CNTNAP2: variants seen among roughly 807,000 people sequenced by gnomAD.
The protein encoded by CNTNAP2 is contactin associated protein 2, also known as contactin-associated protein-like 2.
Under a neutral mutation model 155.2 loss-of-function variants are expected in CNTNAP2, and 98 were observed. That is an observed-to-expected ratio of 0.63 (90% CI 0.54 to 0.75). The LOEUF is 0.75. Ranked by LOEUF, CNTNAP2 falls within the 30% of genes least tolerant of loss-of-function variation. The probability of loss-of-function intolerance (pLI) is 0.00; values close to 1 mark genes in which losing one functional copy is unlikely to be tolerated. For synonymous variants in CNTNAP2, 651 were observed against 631.2 expected, an observed-to-expected ratio of 1.03 and a Z score of -0.47; for missense variants, 1,727 against 1,688.1, an observed-to-expected ratio of 1.02 and a Z score of -0.40.
At chr7:147,283,369 G>C (rs1805094066) in intron 8 of CNTNAP2, among the ~76,000 whole-genome samples, 2 of 151,566 alleles carry the variant, frequency 1.3e-5, no homozygotes, top group African/African-American at 4.8e-5. Flanking sequence ...TCTATATCAA[G>C]AAATAGAATG....
At chr7:146,280,641 G>C (rs563759878) in intron 1 of CNTNAP2, among the ~76,000 whole-genome samples, 1 of 152,222 alleles carries the variant, frequency 6.6e-6, no homozygotes, top group Non-Finnish European at 1.5e-5. Flanking sequence ...CATAAGTAGG[G>C]TCATCGGCTG....
intron 1 of CNTNAP2, among the ~76,000 whole-genome samples, chr7:146,662,462 A>G (rs986324213): frequency 2.9e-4 from 44 of 151,862 alleles, no homozygotes; most frequent in African/African-American, 1.0e-3. Flanking sequence ...TGTTTTGTTT[A>G]TTGGTTTGTT....
rs562325278 is a variant in CNTNAP2, at chr7:147,618,330, A to G, written c.1898-20776A>G. On this transcript the variant is annotated intron_variant, in intron 12 of 23. Transcript: ENST00000361727. ...ATTGTATGTTGGCCACACCCAGTCT[A>G]GCAAGATTTATATATACATTTTAAT... 1.8e-3 allele frequency among the ~76,000 whole-genome samples: 278 copies of G among 152,342 alleles called. 1 individual carries two copies. Among genetic ancestry groups the G allele is most frequent in the African/African-American group, 6.4e-3 (266 of 41,588 alleles).
At chr7:148,050,261 G>T (rs1249848016) in intron 15 of CNTNAP2, among the ~76,000 whole-genome samples, 1 of 152,228 alleles carries the variant, frequency 6.6e-6, no homozygotes, top group Non-Finnish European at 1.5e-5. Context: ...CTCTGTGTGT[G>T]TCACTGCCCC....
chr7:148,395,305 G>A (rs1236126372), intron 22 of CNTNAP2, among the ~76,000 whole-genome samples: 1 of 151,560 alleles, frequency 6.6e-6, no homozygotes, highest in Non-Finnish European at 1.5e-5. Flanking sequence ...CCTTCTTGGT[G>A]GGGTGTGTGT....
intron 13 of CNTNAP2, among the ~76,000 whole-genome samples, chr7:147,667,290 T>C (rs946766122): frequency 3.3e-5 from 5 of 152,222 alleles, no homozygotes; most frequent in African/African-American, 9.6e-5. Context: ...ATCTTCAGTA[T>C]GAAGGAAACC....
At chr7:147,397,941 A>G (rs1796847020) in intron 10 of CNTNAP2, among the ~76,000 whole-genome samples, 1 of 151,994 alleles carries the variant, frequency 6.6e-6, no homozygotes, top group South Asian at 2.1e-4. Flanking sequence ...TTCTAAACCC[A>G]TTATGGGACC....
At chr7:147,394,747 T>C (rs1203012959) in intron 9 of CNTNAP2, among the ~76,000 whole-genome samples, 1 of 151,626 alleles carries the variant, frequency 6.6e-6, no homozygotes, top group African/African-American at 2.4e-5. Flanking sequence ...AGCAATAAAC[T>C]CTTAATGTCT....
intron 1 of CNTNAP2, among the ~76,000 whole-genome samples, chr7:146,301,991 T>C (rs1800620134): frequency 6.6e-6 from 1 of 152,138 alleles, no homozygotes; most frequent in African/African-American, 2.4e-5. Context: ...GTACAACTCT[T>C]CTTCCACTCT....
At chr7:146,158,965 G>A (rs932898028) in intron 1 of CNTNAP2, among the ~76,000 whole-genome samples, 4 of 152,232 alleles carry the variant, frequency 2.6e-5, no homozygotes, top group South Asian at 2.1e-4. Context: ...TGAAATGAAG[G>A]AAAAAATGTT....
chr7:148,089,740 C>A (rs547631677), intron 15 of CNTNAP2, among the ~76,000 whole-genome samples: 1 of 151,530 alleles, frequency 6.6e-6, no homozygotes, highest in South Asian at 2.1e-4. Flanking sequence ...TAACATAATG[C>A]CTATAAAAAT....
intron 15 of CNTNAP2, among the ~76,000 whole-genome samples, chr7:148,092,601 A>G (rs1803866924): frequency 6.6e-6 from 1 of 152,160 alleles, no homozygotes; most frequent in Non-Finnish European, 1.5e-5. Context: ...GGTTTTGAGT[A>G]AGAAAAGAAC....
At chr7:146,358,807 A>G (rs1204578175) in intron 1 of CNTNAP2, among the ~76,000 whole-genome samples, 3 of 152,326 alleles carry the variant, frequency 2.0e-5, no homozygotes, top group East Asian at 3.9e-4. Flanking sequence ...TAAGAAACAG[A>G]ATCTACAAAT....
intron 3 of CNTNAP2, among the ~76,000 whole-genome samples, chr7:146,854,543 T>A (rs904009774): frequency 6.7e-6 from 1 of 149,216 alleles, no homozygotes; most frequent in Non-Finnish European, 1.5e-5. Flanking sequence ...CCAGGTGAAA[T>A]GGTAACCAGA....
chr7:147,022,412 G>A (rs1017050128), intron 3 of CNTNAP2, among the ~76,000 whole-genome samples: 2 of 152,002 alleles, frequency 1.3e-5, no homozygotes, highest in Non-Finnish European at 2.9e-5. Flanking sequence ...TTATGGCAAA[G>A]TTTCCCCACT....
chr7:146,482,748 A>G (rs556652109), intron 1 of CNTNAP2, among the ~76,000 whole-genome samples: 2 of 152,060 alleles, frequency 1.3e-5, no homozygotes, highest in East Asian at 3.9e-4. Flanking sequence ...TCAAAAAAAA[A>G]AAATTGTCAT....
chr7:147,683,190 G>A (rs919848657), intron 13 of CNTNAP2, among the ~76,000 whole-genome samples: 2 of 151,798 alleles, frequency 1.3e-5, no homozygotes, highest in African/African-American at 4.8e-5. Flanking sequence ...CAGTTCACCT[G>A]TACTCTGTGT....
At chr7:148,044,627 A>G (rs986433055) in intron 15 of CNTNAP2, 4 of 152,264 alleles carry the variant, frequency 2.6e-5, no homozygotes, top group Non-Finnish European at 5.9e-5. Context: ...GGCACCATCT[A>G]TGAAGCAGAG....
chr7:147,817,613 T>C (rs1195838079), intron 13 of CNTNAP2, among the ~76,000 whole-genome samples: 3 of 151,964 alleles, frequency 2.0e-5, no homozygotes, highest in African/African-American at 7.3e-5. Context: ...ATTTAAAAAA[T>C]AGCAAAGAAG....
Sources: gnomAD v4.1 joint callset for allele counts (sites outside exome capture counted in the v4.1 genomes callset) on GRCh38, gnomAD v4.1.1 for gene constraint, MANE v1.5 for transcripts, NCBI Gene and HGNC (gene_info 2026-07-23, HGNC 2026-07-21) for gene names.